The following SLC1A1 variants were observed in gnomAD, a reference collection of about 807,000 sequenced individuals.
The protein encoded by SLC1A1 is excitatory amino acid transporter 3.
Under a neutral mutation model 53.3 loss-of-function variants are expected in SLC1A1, and 43 were observed. The observed-to-expected ratio is 0.81, with a 90% CI of 0.63 to 1.04. The LOEUF (loss-of-function observed/expected upper bound fraction) is 1.04, where lower values mean the gene tolerates loss of function less well. Ranked by LOEUF, SLC1A1 falls within the 50% of genes least tolerant of loss-of-function variation. The pLI, the probability that SLC1A1 is intolerant of heterozygous loss-of-function variation, is 0.00. For missense variants in SLC1A1, 748 were observed against 664.9 expected (o/e 1.12, Z -1.37); for synonymous variants, 307 against 243.2 (o/e 1.26, Z -2.44).
chr9:4,579,118 G>T (rs188797959), intron 10 of SLC1A1, among the ~76,000 whole-genome samples: 70 of 152,206 alleles, frequency 4.6e-4, no homozygotes, highest in African/African-American at 1.6e-3. Context: ...ACACCATTTG[G>T]CACACCAGCT....
chr9:4,539,830 A>G (rs1816851417), intron 1 of SLC1A1, among the ~76,000 whole-genome samples: 1 of 152,118 alleles, frequency 6.6e-6, no homozygotes, highest in African/African-American at 2.4e-5. Flanking sequence ...TTGGCCTCCC[A>G]AAGTGCTGGG....
At chr9:4,585,263 G>A in intron 11 of SLC1A1, 49 bp from the exon 12 acceptor site, 4 of 1,611,712 alleles carry the variant, frequency 2.5e-6, no homozygotes, top group Non-Finnish European at 3.4e-6. Context: ...CAGTGATGAA[G>A]GAAAATGAAA....
Position 4,567,736 on chromosome 9 carries a change from T to TCA in SLC1A1, c.554_555dup (p.Ala186GlnfsTer4). ...GAGATGAACATGACAGAAGAGTCCT[T>TCA]CACAGCTGTCATGACAACTGCAATT... is the stretch of plus-strand genomic sequence containing the variant. On this transcript the variant is annotated frameshift_variant, in exon 6 of 12. Coordinates refer to ENST00000262352, the MANE Select transcript of SLC1A1 (RefSeq NM_004170.6). LOFTEE classifies it high-confidence loss of function. The TCA allele has an allele frequency of 6.2e-7, 1 of 1,611,968 alleles. No homozygotes were observed. The highest frequency in any genetic ancestry group is 1.1e-5 in the South Asian group (1 of 90,872).
At chr9:4,508,532 C>A (rs1820882128) in intron 1 of SLC1A1, among the ~76,000 whole-genome samples, 1 of 152,176 alleles carries the variant, frequency 6.6e-6, no homozygotes, top group Non-Finnish European at 1.5e-5. Context: ...AGGTGAGGAG[C>A]TGGGCACTTG....
At chr9:4,554,440 T>C (rs1818194804) in intron 2 of SLC1A1, 1 of 152,222 alleles carries the variant, frequency 6.6e-6, no homozygotes, top group South Asian at 2.1e-4. Flanking sequence ...ATTGTTGAGA[T>C]ATGATATGCA....
intron 1 of SLC1A1, among the ~76,000 whole-genome samples, chr9:4,529,961 T>A (rs1489123939): frequency 6.6e-6 from 1 of 152,194 alleles, no homozygotes; most frequent in Non-Finnish European, 1.5e-5. Context: ...AAATTTGAGT[T>A]GGACAATGAA....
intron 1 of SLC1A1, among the ~76,000 whole-genome samples, chr9:4,505,327 G>A (rs939564282): frequency 3.3e-5 from 5 of 152,038 alleles, no homozygotes; most frequent in Non-Finnish European, 7.4e-5. Flanking sequence ...GGGATTACAG[G>A]GGTGAGCCAC....
At chr9:4,510,969 C>T (rs1057416418) in intron 1 of SLC1A1, among the ~76,000 whole-genome samples, 2 of 152,228 alleles carry the variant, frequency 1.3e-5, no homozygotes, top group Admixed American at 6.5e-5. Context: ...TTAGCAAGAG[C>T]AACAGACCTG....
intron 1 of SLC1A1, among the ~76,000 whole-genome samples, chr9:4,527,901 G>T (rs534967143): frequency 3.2e-4 from 49 of 152,204 alleles, no homozygotes; most frequent in African/African-American, 1.1e-3. Flanking sequence ...CCCTCCTGAA[G>T]TAAGACCAGG....
chr9:4,569,130 C>A (rs759909777), intron 6 of SLC1A1, among the ~76,000 whole-genome samples: 1 of 152,086 alleles, frequency 6.6e-6, no homozygotes, highest in Non-Finnish European at 1.5e-5. Flanking sequence ...TACAGTAGAG[C>A]TGGCCATCTC....
At position 4,490,693 on chromosome 9, in the gene SLC1A1, C is replaced by A. The variant is rs536009284; in HGVS notation, c.14C>A (p.Ala5Glu). The A allele has an allele frequency of 1.9e-6, 3 of 1,612,696 alleles. No individual in the cohort carries two copies. The Admixed American group carries it at 5.0e-5, about 27-fold the overall frequency. The change falls in exon 1 of 12, where the codon GCG becomes GAG. Residue 5 changes from alanine to glutamate, a missense_variant. Coordinates refer to ENST00000262352, the MANE Select transcript of SLC1A1 (RefSeq NM_004170.6). MGKP[A>E]RKGCEWKRFL... ...GCGGCGACAGCCATGGGGAAACCGG[C>A]GAGGAAAGGATGCGAGTGGAAGCGC...
At chr9:4,542,906 T>A (rs1817142007) in intron 1 of SLC1A1, among the ~76,000 whole-genome samples, 1 of 152,214 alleles carries the variant, frequency 6.6e-6, no homozygotes, top group Non-Finnish European at 1.5e-5. Flanking sequence ...GAAATGTTTA[T>A]ATGTTTGTTC....
chr9:4,540,170 T>C (rs960623129), intron 1 of SLC1A1, among the ~76,000 whole-genome samples: 1 of 152,096 alleles, frequency 6.6e-6, no homozygotes, highest in Non-Finnish European at 1.5e-5. Context: ...TTCAAAGGGA[T>C]GGCTTGACAG....
chr9:4,545,230 C>T (rs1817388718), intron 2 of SLC1A1, among the ~76,000 whole-genome samples: 1 of 52,038 alleles, frequency 1.9e-5, no homozygotes, highest in Non-Finnish European at 4.9e-5. Flanking sequence ...CACCTCTCTC[C>T]ACTTGGAATG....
At chr9:4,545,915 G>C (rs1310848669) in intron 2 of SLC1A1, among the ~76,000 whole-genome samples, 1 of 152,232 alleles carries the variant, frequency 6.6e-6, no homozygotes, top group Non-Finnish European at 1.5e-5. Flanking sequence ...TGGCATGACA[G>C]TAGCTGGTGG....
In SLC1A1 at chr9:4,561,454, G is replaced by C. The variant is rs562318782; in HGVS notation, c.238G>C (p.Ala80Pro). 1 of 1,593,992 alleles carries C rather than the reference G, an allele frequency of 6.3e-7. No individual in the cohort carries two copies. The highest frequency in any genetic ancestry group is 8.6e-7 in the Non-Finnish European group (1 of 1,161,744). ...GATTTCTGTCTCCCCTTCAGGTGTT[G>C]CTGCACTGGATTCCAACGTATCCGG... is the stretch of plus-strand genomic sequence containing the variant. ...LIISSMITGV[A>P]ALDSNVSGKI... The change falls in exon 3 of 12, where the codon GCT (alanine) becomes CCT (proline). Residue 80 changes from alanine to proline, a missense_variant. Coordinates refer to ENST00000262352, the MANE Select transcript of SLC1A1 (RefSeq NM_004170.6).
At chr9:4,524,528 G>T (rs1236057335) in intron 1 of SLC1A1, among the ~76,000 whole-genome samples, 1 of 152,160 alleles carries the variant, frequency 6.6e-6, no homozygotes, top group Non-Finnish European at 1.5e-5. Flanking sequence ...AATCTGTTTT[G>T]TGTGGCTGTA....
chr9:4,585,115 C>A (rs750988106), intron 11 of SLC1A1, among the ~76,000 whole-genome samples, 197 bp from the exon 12 acceptor site: 1 of 152,178 alleles, frequency 6.6e-6, no homozygotes, highest in Non-Finnish European at 1.5e-5. Flanking sequence ...GGAGTCATTG[C>A]TACTTTGGGG....
At chr9:4,497,488 C>T (rs1026175067) in intron 1 of SLC1A1, among the ~76,000 whole-genome samples, 3 of 152,192 alleles carry the variant, frequency 2.0e-5, no homozygotes, top group African/African-American at 7.2e-5. Flanking sequence ...AGGGTGAATA[C>T]ATTTGTTGAA....
Sources: allele counts gnomAD v4.1 joint callset (sites outside exome capture counted in the v4.1 genomes callset), GRCh38; gene constraint gnomAD v4.1.1; transcripts MANE v1.5; gene names NCBI Gene and HGNC (gene_info 2026-07-23, HGNC 2026-07-21).